Variants in MTOR observed in about 807,000 individuals in gnomAD.
MTOR encodes the protein mechanistic target of rapamycin kinase.
Under a neutral mutation model 319.8 loss-of-function variants are expected in MTOR, and 70 were observed. The observed-to-expected ratio is 0.22, with a 90% CI of 0.18 to 0.27. MTOR has a LOEUF of 0.27. Among genes scored for constraint, MTOR ranks in the 10% least tolerant of loss-of-function variants. The probability of loss-of-function intolerance (pLI) is 1.00; values close to 1 mark genes in which losing one functional copy is unlikely to be tolerated. For missense variants in MTOR, 1,890 were observed against 3,274.4 expected, an observed-to-expected ratio of 0.58 and a Z score of 10.32; for synonymous variants, 1,183 against 1,211.4, an observed-to-expected ratio of 0.98 and a Z score of 0.49.
intron 30 of MTOR, among the ~76,000 whole-genome samples, chr1:11,154,168 AAAC>A (rs374971011): frequency 0.051 from 7,647 of 149,024 alleles, 383 homozygotes; most frequent in African/African-American, 0.11. Flanking sequence ...GGACTGAGAA[AAAC>A]AACAACAACA....
chr1:11,166,758 G>A (rs1439914926), intron 29 of MTOR, among the ~76,000 whole-genome samples: 1 of 152,156 alleles, frequency 6.6e-6, no homozygotes, highest in Non-Finnish European at 1.5e-5. Context: ...ATACCCAAAG[G>A]ATTATAAATC....
intron 28 of MTOR, among the ~76,000 whole-genome samples, chr1:11,180,184 A>G (rs1571084227): frequency 6.6e-6 from 1 of 152,026 alleles, no homozygotes; most frequent in African/African-American, 2.4e-5. Context: ...GGATTATAGG[A>G]GTGAGCCACT....
intron 30 of MTOR, among the ~76,000 whole-genome samples, chr1:11,155,415 A>C (rs1644286985): frequency 6.7e-6 from 1 of 149,854 alleles, no homozygotes; most frequent in Non-Finnish European, 1.5e-5. Flanking sequence ...AAATGGCAGC[A>C]AAAAAAAAAT....
chr1:11,186,250 G>A (rs1645318976), intron 28 of MTOR, among the ~76,000 whole-genome samples: 1 of 152,126 alleles, frequency 6.6e-6, no homozygotes, highest in African/African-American at 2.4e-5. Context: ...CACAAGCTGA[G>A]AGTGGGCAGC....
At chr1:11,170,090 C>A (rs897121768) in intron 28 of MTOR, among the ~76,000 whole-genome samples, 1 of 152,192 alleles carries the variant, frequency 6.6e-6, no homozygotes, top group African/African-American at 2.4e-5. Flanking sequence ...GGCAATGAAC[C>A]AGAATATGCT....
rs1645210038 is a variant in MTOR, at chr1:11,183,070, A to G, written c.4254-15553T>C. Among the ~76,000 whole-genome samples, 3 of 152,206 alleles carry G rather than the reference A, an allele frequency of 2.0e-5. No homozygotes were observed. In the South Asian group the frequency reaches 6.2e-4, roughly 32 times the overall value. ...TTCCAAAGTGGCTTTACCAATTTAC[A>G]TTTCTACCAATAGGACATGAAAAGC... On this transcript the variant is annotated intron_variant, in intron 28 of 57. Coordinates refer to ENST00000361445, the MANE Select transcript of MTOR (RefSeq NM_004958.4).
At position 11,115,075 on chromosome 1, in the gene MTOR, C is replaced by T. The variant is rs751796108; in HGVS notation, c.7090-188G>A. Among the ~76,000 whole-genome samples the T allele has an allele frequency of 1.6e-4, 24 of 151,382 alleles. No individual in the cohort carries two copies. Among genetic ancestry groups the T allele is most frequent in the African/African-American group, 4.4e-4 (18 of 41,170 alleles). ...AAGACAACTTAAAAAAAAAAAGAAA[C>T]GAACAACAGAAAAGAAGAGAAAACA... On this transcript the variant is annotated intron_variant, in intron 51 of 57. Transcript: ENST00000361445. The surrounding 1 kb of genome is among the most constrained non-coding windows in gnomAD (Gnocchi z 4.5).
At chr1:11,126,256 T>G (rs1054909274) in intron 46 of MTOR, among the ~76,000 whole-genome samples, 1 of 151,802 alleles carries the variant, frequency 6.6e-6, no homozygotes, top group Non-Finnish European at 1.5e-5. Context: ...GAAAAAAATT[T>G]CAAGAGCCAG....
chr1:11,186,082 CAAAAAAAAA>C (rs765868801), intron 28 of MTOR, among the ~76,000 whole-genome samples: 1 of 43,010 alleles, frequency 2.3e-5, no homozygotes, highest in Non-Finnish European at 4.8e-5. Context: ...GACTCCGTCT[CAAAAAAAAA>C]AAAAAAAAAA....
At chr1:11,231,097 A>G (rs1395809285) in intron 17 of MTOR, 43 bp from the exon 18 acceptor site, 4 of 1,613,730 alleles carry the variant, frequency 2.5e-6, no homozygotes, top group African/African-American at 2.7e-5. Context: ...ATTCATCACA[A>G]CATGATTACA....
In MTOR at chr1:11,121,128, C is replaced by G; in HGVS notation, c.6933+118G>C. 1.4e-6 allele frequency: 2 copies of G among 1,403,894 alleles called. No individual in the cohort carries two copies. Among genetic ancestry groups the G allele is most frequent in the Admixed American group, 4.7e-5 (2 of 42,288 alleles). 87.0% of individuals were successfully genotyped at this position (1,403,894 alleles called of 1,614,324 possible). ...TTTTTGTTAGAAAAGTCTGGACACGCTCTACAGCCAATCACAGCAAAGAAG... is the reference window on the plus strand; with the variant it reads ...TTTTTGTTAGAAAAGTCTGGACACGGTCTACAGCCAATCACAGCAAAGAAG... On this transcript the variant is annotated intron_variant, in intron 49 of 57. Coordinates refer to ENST00000361445, the MANE Select transcript of MTOR (RefSeq NM_004958.4). This position sits in a 1 kb window ranked among gnomAD's most constrained non-coding sequence, Gnocchi z 4.9.
chr1:11,154,259 A>G (rs1644249192), intron 30 of MTOR, among the ~76,000 whole-genome samples: 1 of 149,874 alleles, frequency 6.7e-6, no homozygotes, highest in African/African-American at 2.5e-5. Context: ...AAATTTATTG[A>G]GGTAAATGAA....
intron 57 of MTOR, 49 bp downstream of exon 57, chr1:11,108,131 TG>T (rs763437204): frequency 1.4e-6 from 2 of 1,479,382 alleles, no homozygotes; most frequent in South Asian, 2.3e-5. Context: ...GGCCTAGGCT[TG>T]GGACCTGATT....
At chr1:11,150,040 C>G in intron 31 of MTOR, 86 bp downstream of exon 31, 2 of 1,200,164 alleles carry the variant, frequency 1.7e-6, no homozygotes, top group South Asian at 1.3e-5. Context: ...GGATCTCCAC[C>G]TAGAGCCAGC....
At position 11,218,409 on chromosome 1, in the gene MTOR, G is replaced by A. The variant is rs61773702; in HGVS notation, c.3031-2175C>T. Among the ~76,000 whole-genome samples, 582 of 150,928 alleles carry A rather than the reference G, an allele frequency of 3.9e-3. 3 individuals are homozygous for A. Among genetic ancestry groups the A allele is most frequent in the South Asian group, 6.7e-3 (32 of 4,774 alleles). On this transcript the variant is annotated intron_variant, in intron 19 of 57. Transcript: ENST00000361445. ...CACACCATTGTACTCCAACCTGGGCGACAGGGCGAGACTCCATCTCAAAAA... is the reference window on the plus strand; with the variant it reads ...CACACCATTGTACTCCAACCTGGGCAACAGGGCGAGACTCCATCTCAAAAA...
chr1:11,194,316 T>C (rs1353098615), intron 28 of MTOR: 1 of 773,582 alleles, frequency 1.3e-6, no homozygotes, highest in Non-Finnish European at 2.1e-6. Flanking sequence ...CACAGTAAAC[T>C]GGAGGTAAAC....
At chr1:11,153,790 C>A (rs981300713) in intron 30 of MTOR, among the ~76,000 whole-genome samples, 1 of 151,884 alleles carries the variant, frequency 6.6e-6, no homozygotes, top group Non-Finnish European at 1.5e-5. Flanking sequence ...GCCATAAGGC[C>A]GGATGCAGTG....
chr1:11,173,747 C>T (rs1006245314), intron 28 of MTOR, among the ~76,000 whole-genome samples: 2 of 152,178 alleles, frequency 1.3e-5, no homozygotes, highest in African/African-American at 2.4e-5. Context: ...TTCCCATGCA[C>T]GCCTCTAAAG....
chr1:11,152,441 G>A (rs1013955890), intron 30 of MTOR: 7 of 152,174 alleles, frequency 4.6e-5, no homozygotes, highest in African/African-American at 1.7e-4. Context: ...AAAAGCTTAG[G>A]AAGTATTCTT....
Sources: gnomAD v4.1 joint callset for allele counts (sites outside exome capture counted in the v4.1 genomes callset) on GRCh38, gnomAD v4.1.1 for gene constraint, Gnocchi (gnomAD v3.1) non-coding constraint, MANE v1.5 for transcripts, NCBI Gene and HGNC (gene_info 2026-07-23, HGNC 2026-07-21) for gene names.